TNFRSF19: variants seen among roughly 807,000 people sequenced by gnomAD.
TNFRSF19 encodes tumor necrosis factor receptor superfamily member 19.
A neutral mutation model predicts 46.4 loss-of-function variants in TNFRSF19; 27 were observed. The observed-to-expected ratio is 0.58, with a 90% CI of 0.43 to 0.80. The LOEUF (loss-of-function observed/expected upper bound fraction) is 0.80, where lower values mean the gene tolerates loss of function less well. TNFRSF19 is among the 30% of genes least tolerant of loss of function. The pLI is 0.00. For synonymous variants in TNFRSF19, 204 were observed against 205.0 expected, an observed-to-expected ratio of 1.00 and a Z score of 0.04; for missense variants, 511 against 530.8, an observed-to-expected ratio of 0.96 and a Z score of 0.37.
In TNFRSF19 at chr13:23,626,741, G is replaced by A. The variant is rs762732984; in HGVS notation, c.394G>A (p.Asp132Asn). ...YRKTKLVGFQ[D>N]MECVPCGDPP... ...GAAGACGAAACTTGTCGGCTTTCAA[G>A]ACATGGAGTGTGTGCCTTGTGGAGA... Residue 132 changes from aspartate (D) to asparagine (N), a missense_variant, in exon 5 of 10, where the codon GAC becomes AAC. Physicochemically the swap from Asp to Asn is conservative, Grantham distance 23. Around this residue, in one of 3 missense-constraint regions of TNFRSF19, gnomAD observed 376 missense variants for 372.7 expected, o/e 1.01. Transcript: ENST00000248484. 1 of 1,614,186 alleles carries A rather than the reference G, an allele frequency of 6.2e-7. No individual in the cohort carries two copies. Among genetic ancestry groups the A allele is most frequent in the Non-Finnish European group, 8.5e-7 (1 of 1,180,012 alleles).
At chr13:23,595,488 T>G (rs1168732013) in intron 3 of TNFRSF19, among the ~76,000 whole-genome samples, 1 of 152,048 alleles carries the variant, frequency 6.6e-6, no homozygotes, top group Non-Finnish European at 1.5e-5. Context: ...GCTGAATCAA[T>G]CAGGCAGAAG....
At chr13:23,583,317 A>C (rs1327726853) in intron 1 of TNFRSF19, among the ~76,000 whole-genome samples, 1 of 152,220 alleles carries the variant, frequency 6.6e-6, no homozygotes, top group Non-Finnish European at 1.5e-5. Context: ...TGGACCAAAA[A>C]AAAATGATAA....
At chr13:23,587,007 G>A (rs1430500867) in intron 1 of TNFRSF19, among the ~76,000 whole-genome samples, 2 of 151,992 alleles carry the variant, frequency 1.3e-5, no homozygotes, top group East Asian at 3.9e-4. Context: ...TACAGATGCT[G>A]TGGAGACTGG....
At chr13:23,590,584 T>C (rs907071394) in intron 2 of TNFRSF19, among the ~76,000 whole-genome samples, 1 of 152,144 alleles carries the variant, frequency 6.6e-6, no homozygotes, top group East Asian at 1.9e-4. Context: ...ATCCGCCTGC[T>C]TTGGCCTCCC....
chr13:23,638,556 C>T (rs951077836), intron 5 of TNFRSF19, among the ~76,000 whole-genome samples: 7 of 152,152 alleles, frequency 4.6e-5, no homozygotes, highest in African/African-American at 1.7e-4. Context: ...TCCTGGTGGG[C>T]AGCAGGTCTC....
rs1951786551 is a variant in TNFRSF19, at chr13:23,673,391, T to G, written c.*11T>G. Reference sequence around the variant, plus strand: ...TTTTAGGAAGCTTAAAGAACCTGCTTCTTTCTGCAGTAGAAGCGTGTGCTG... The same window carrying G: ...TTTTAGGAAGCTTAAAGAACCTGCTGCTTTCTGCAGTAGAAGCGTGTGCTG... On this transcript the variant is annotated 3_prime_UTR_variant, in exon 10 of 10. Coordinates refer to ENST00000248484, the MANE Select transcript of TNFRSF19 (RefSeq NM_148957.4). 1 of 1,604,996 alleles carries G rather than the reference T, an allele frequency of 6.2e-7. No homozygotes were observed. The highest frequency in any genetic ancestry group is 8.5e-7 in the Non-Finnish European group (1 of 1,174,640).
intron 5 of TNFRSF19, among the ~76,000 whole-genome samples, chr13:23,650,667 T>A (rs1280685925): frequency 6.6e-6 from 1 of 152,130 alleles, no homozygotes; most frequent in African/African-American, 2.4e-5. Flanking sequence ...GAATTAGTGG[T>A]GATGGTGGCA....
intron 5 of TNFRSF19, among the ~76,000 whole-genome samples, chr13:23,627,127 G>T (rs7321437): frequency 7.2e-5 from 11 of 152,090 alleles, no homozygotes; most frequent in African/African-American, 2.7e-4. Context: ...TTAGGTCTTC[G>T]TGCCCTGGCC....
intron 7 of TNFRSF19, among the ~76,000 whole-genome samples, chr13:23,662,251 T>C (rs1884413878): frequency 6.6e-6 from 1 of 152,212 alleles, no homozygotes; most frequent in Admixed American, 6.5e-5. Context: ...CTTTGGCATA[T>C]GGCTAGACAG....
At chr13:23,587,549 A>G (rs1287116881) in intron 1 of TNFRSF19, among the ~76,000 whole-genome samples, 1 of 146,548 alleles carries the variant, frequency 6.8e-6, no homozygotes, top group Non-Finnish European at 1.5e-5. Context: ...ACATGATTAA[A>G]TGTATTATTG....
At chr13:23,606,674 T>G (rs1305387375) in intron 3 of TNFRSF19, among the ~76,000 whole-genome samples, 2 of 152,238 alleles carry the variant, frequency 1.3e-5, no homozygotes, top group African/African-American at 4.8e-5. Context: ...AATCATATAT[T>G]TTGCCAAGTC....
rs1260462442 is a variant in TNFRSF19 at position 23,674,832 on chromosome 13, A to C, written c.*1452A>C. ...TTTCCTAGTATGTTTTTATCTTCTC[A>C]TGTATTATCCATGGTTTTCTCTGTT... On this transcript the variant is annotated 3_prime_UTR_variant, in exon 10 of 10. Transcript: ENST00000248484. 6.6e-6 allele frequency: 1 copy of C among 152,198 alleles called. No individual in the cohort carries two copies. The highest frequency in any genetic ancestry group is 2.4e-5 in the African/African-American group (1 of 41,454). The allele number at this position is 152,198 out of a possible 1,614,324, so 9.4% of individuals were successfully genotyped here.
At chr13:23,635,773 C>T (rs1882639340) in intron 5 of TNFRSF19, among the ~76,000 whole-genome samples, 1 of 152,144 alleles carries the variant, frequency 6.6e-6, no homozygotes, top group South Asian at 2.1e-4. Flanking sequence ...GTAAGTCATG[C>T]AGCAGTTTTC....
chr13:23,583,708 A>G (rs1878624758), intron 1 of TNFRSF19, among the ~76,000 whole-genome samples: 1 of 152,244 alleles, frequency 6.6e-6, no homozygotes, highest in African/African-American at 2.4e-5. Context: ...GAAGAACACT[A>G]CAAATGGTGT....
chr13:23,630,835 T>C (rs1166581774), intron 5 of TNFRSF19, among the ~76,000 whole-genome samples: 1 of 152,206 alleles, frequency 6.6e-6, no homozygotes, highest in African/African-American at 2.4e-5. Flanking sequence ...GAACAAATGG[T>C]TTTGAAAAAA....
At chr13:23,628,901 A>G (rs939298213) in intron 5 of TNFRSF19, among the ~76,000 whole-genome samples, 3 of 152,182 alleles carry the variant, frequency 2.0e-5, no homozygotes, top group Non-Finnish European at 4.4e-5. Flanking sequence ...TTCAAATAAC[A>G]AAGCAAGACA....
chr13:23,613,521 TTC>T (rs1223552945), intron 3 of TNFRSF19, among the ~76,000 whole-genome samples: 1 of 152,232 alleles, frequency 6.6e-6, no homozygotes, highest in African/African-American at 2.4e-5. Context: ...GCATTCTCCT[TTC>T]TCTTTCCCTT....
At chr13:23,640,378 C>G (rs1882964019) in intron 5 of TNFRSF19, among the ~76,000 whole-genome samples, 1 of 152,216 alleles carries the variant, frequency 6.6e-6, no homozygotes, top group Non-Finnish European at 1.5e-5. Context: ...TTCTGTGTAA[C>G]TTCATGCTGC....
At position 23,615,982 on chromosome 13, in the gene TNFRSF19, A is replaced by G. The variant is rs1249932733; in HGVS notation, c.296A>G (p.Asn99Ser). 1 of 1,613,512 alleles carries G rather than the reference A, an allele frequency of 6.2e-7. No homozygotes were observed. The highest frequency in any genetic ancestry group is 1.1e-5 in the South Asian group (1 of 91,026). Reference protein sequence around the residue: ...CKPCLDCAVVNRFQKANCSAT... With the variant: ...CKPCLDCAVVSRFQKANCSAT... ...CCCTGTCTGGACTGCGCAGTGGTGA[A>G]CCGCTTTCAGAAGGCAAATTGTTCA... The change falls in exon 4 of 10, where the codon AAC becomes AGC. Residue 99 changes from asparagine to serine, a missense_variant. Around this residue, in one of 3 missense-constraint regions of TNFRSF19, gnomAD observed 121 missense variants for 124.1 expected, o/e 0.98. Coordinates refer to ENST00000248484, the MANE Select transcript of TNFRSF19 (RefSeq NM_148957.4).
Sources: allele counts gnomAD v4.1 joint callset (sites outside exome capture counted in the v4.1 genomes callset), GRCh38; gene constraint gnomAD v4.1.1; regional missense constraint gnomAD v4.1.1; transcripts MANE v1.5; gene names NCBI Gene and HGNC (gene_info 2026-07-23, HGNC 2026-07-21).